IQGAP1: variants seen among roughly 807,000 people sequenced by gnomAD.
The protein encoded by IQGAP1 is IQ motif containing GTPase activating protein 1.
Under a neutral mutation model 215.6 loss-of-function variants are expected in IQGAP1, and 66 were observed. The observed-to-expected ratio is 0.31, with a 90% CI of 0.25 to 0.38. IQGAP1 has a LOEUF of 0.38. Among genes scored for constraint, IQGAP1 ranks in the 10% least tolerant of loss-of-function variants. The probability of loss-of-function intolerance (pLI) is 1.00; values close to 1 mark genes in which losing one functional copy is unlikely to be tolerated. For synonymous variants in IQGAP1, 772 were observed against 728.7 expected, an observed-to-expected ratio of 1.06 and a Z score of -0.96; for missense variants, 1,712 against 1,997.1, an observed-to-expected ratio of 0.86 and a Z score of 2.72.
At chr15:90,487,709 G>A in intron 33 of IQGAP1, 127 bp downstream of exon 33, 1 of 654,744 alleles carries the variant, frequency 1.5e-6, no homozygotes, top group Admixed American at 2.9e-5. Flanking sequence ...AATGTAACTG[G>A]GGGACAGTGG....
At chr15:90,478,537 T>C (rs934716336) in intron 26 of IQGAP1, among the ~76,000 whole-genome samples, 3 of 152,330 alleles carry the variant, frequency 2.0e-5, no homozygotes, top group Non-Finnish European at 4.4e-5. Flanking sequence ...GAAAGTTTTA[T>C]GAAGTTTTAT....
At chr15:90,416,964 G>GTGA in intron 2 of IQGAP1, among the ~76,000 whole-genome samples, 1 of 152,242 alleles carries the variant, frequency 6.6e-6, no homozygotes, top group East Asian at 1.9e-4. Flanking sequence ...CTGATGGCCA[G>GTGA]TGATGACCAT....
At chr15:90,420,301 G>C (rs1021910635) in intron 2 of IQGAP1, among the ~76,000 whole-genome samples, 1 of 151,976 alleles carries the variant, frequency 6.6e-6, no homozygotes, top group South Asian at 2.1e-4. Flanking sequence ...TGTCTTTCTC[G>C]GTAAGTGCGA....
At chr15:90,431,464 A>G (rs553725140) in intron 4 of IQGAP1, among the ~76,000 whole-genome samples, 19 of 152,370 alleles carry the variant, frequency 1.2e-4, no homozygotes, top group South Asian at 4.1e-4. Context: ...GGCAATGACA[A>G]TAACCTCATT....
chr15:90,425,124 A>G (rs1207686045), intron 2 of IQGAP1, among the ~76,000 whole-genome samples: 1 of 152,116 alleles, frequency 6.6e-6, no homozygotes, highest in East Asian at 1.9e-4. Context: ...AGCCTGGTCA[A>G]TATGACGAAG....
chr15:90,422,773 G>A (rs1965165222), intron 2 of IQGAP1, among the ~76,000 whole-genome samples: 1 of 151,112 alleles, frequency 6.6e-6, no homozygotes, highest in Non-Finnish European at 1.5e-5. Context: ...ATAACTCACT[G>A]CAGCCTTGAC....
At chr15:90,497,790 G>C (rs1442127446) in intron 37 of IQGAP1, among the ~76,000 whole-genome samples, 1 of 152,096 alleles carries the variant, frequency 6.6e-6, no homozygotes, top group Non-Finnish European at 1.5e-5. Flanking sequence ...AAAAGAACTC[G>C]GGAGTAATTC....
chr15:90,392,748 C>CTTTTTTTTTTTTTTTTTT (rs10701656), intron 2 of IQGAP1, among the ~76,000 whole-genome samples: 12 of 117,808 alleles, frequency 1.0e-4, no homozygotes, highest in South Asian at 2.8e-4. Context: ...ATGTTTCTAT[C>CTTTTTTTTTTTTTTTTTT]TTTTTTTTTT....
rs143796914 is a variant in IQGAP1, at chr15:90,466,047, G to A, written c.1823G>A (p.Gly608Asp). ...GTGTTATGGTTGGATGAAATTCAAG[G>A]TGGAATCTGGCAGTCCAACAAAGAC... ...SAVLWLDEIQ[G>D]GIWQSNKDTQ... Residue 608 changes from glycine (G) to aspartate (D), a missense_variant, in exon 16 of 38, where the codon GGT (glycine) becomes GAT (aspartate). Around this residue, in one of 2 missense-constraint regions of IQGAP1, gnomAD observed 1,021 missense variants for 1,074.2 expected, o/e 0.95. Transcript: ENST00000268182. The A allele has an allele frequency of 1.9e-5, 31 of 1,614,104 alleles. 1 individual carries two copies. The African/African-American group carries it at 3.7e-4, about 19-fold the overall frequency.
At chr15:90,462,731 C>G (rs1001769149) in intron 15 of IQGAP1, among the ~76,000 whole-genome samples, 30 of 152,114 alleles carry the variant, frequency 2.0e-4, no homozygotes, top group Non-Finnish European at 2.9e-4. Flanking sequence ...GGCTTCTTCA[C>G]CTCTTCTACC....
chr15:90,482,766 T>C, intron 28 of IQGAP1: 1 of 982,974 alleles, frequency 1.0e-6, no homozygotes, highest in South Asian at 4.4e-5. Context: ...TAATTTTATT[T>C]CTTCTGAATG....
Position 90,486,974 on chromosome 15 carries a change from A to C in IQGAP1, c.4045A>C (p.Asn1349His). The change falls in exon 32 of 38, where the codon AAT (asparagine) becomes CAT (histidine). Residue 1349 changes from asparagine (N) to histidine (H), a missense_variant. By Grantham distance (68) the Asn-to-His change is moderately conservative. This residue lies in a region of IQGAP1 where 691 missense variants were observed against 923.0 expected (regional missense o/e 0.75). Coordinates refer to ENST00000268182, the MANE Select transcript of IQGAP1 (RefSeq NM_003870.4). ...TTCAGGGGAAAGCTCTGGCAATTTA[A>C]ATGACCCAAATAAGGAGGCACTGGC... Reference protein sequence around the residue: ...SLIGESSGNLNDPNKEALAKT... With the variant: ...SLIGESSGNLHDPNKEALAKT... 4 of 1,614,120 alleles carry C rather than the reference A, an allele frequency of 2.5e-6. No homozygotes were observed. The highest frequency in any genetic ancestry group is 3.4e-6 in the Non-Finnish European group (4 of 1,180,012).
chr15:90,489,444 A>G (rs1440400651), intron 33 of IQGAP1, among the ~76,000 whole-genome samples: 1 of 152,108 alleles, frequency 6.6e-6, no homozygotes, highest in Non-Finnish European at 1.5e-5. Flanking sequence ...CTCTGTTCTC[A>G]TTTGTCAAGT....
intron 1 of IQGAP1, among the ~76,000 whole-genome samples, chr15:90,390,245 C>T (rs1289972206): frequency 8.5e-5 from 13 of 152,188 alleles, no homozygotes; most frequent in Admixed American, 5.2e-4. Context: ...GACAGACTCT[C>T]CAGGTTTGGA....
intron 15 of IQGAP1, among the ~76,000 whole-genome samples, chr15:90,459,998 C>G (rs189465161): frequency 2.0e-5 from 3 of 151,834 alleles, no homozygotes; most frequent in African/African-American, 7.3e-5. Context: ...AGTGAGGCCA[C>G]GTGGTCCGGA....
chr15:90,412,384 C>T lies in IQGAP1; in HGVS notation c.156-13726C>T, dbSNP rs1169089633. ...TTAGTGTCTCCTCACTTCTCTCTAG[C>T]CCTTTCTCCTACAACTGCTCAGAAT... On this transcript the variant is annotated intron_variant, in intron 2 of 37. Transcript: ENST00000268182. Among the ~76,000 whole-genome samples, 3 of 152,176 alleles carry T rather than the reference C, an allele frequency of 2.0e-5. No individual in the cohort carries two copies. The East Asian group carries it at 5.8e-4, about 29-fold the overall frequency.
chr15:90,441,492 G>GTTT lies in IQGAP1; in HGVS notation c.650-5_650-3dup. The GTTT allele has an allele frequency of 3.4e-6, 4 of 1,192,728 alleles. No homozygotes were observed. The highest frequency in any genetic ancestry group is 1.6e-5 in the African/African-American group (1 of 63,130). The allele number at this position is 1,192,728 out of a possible 1,614,324, so 73.9% of individuals were successfully genotyped here. On this transcript the variant is annotated splice_polypyrimidine_tract_variant and intron_variant, in intron 7 of 37. Coordinates refer to ENST00000268182, the MANE Select transcript of IQGAP1 (RefSeq NM_003870.4). The stretch of plus-strand genomic sequence containing the variant: ...AGTGTTTTTGTTGGTTTGTTTTTTT[G>GTTT]TTTTTTTTTTTAGTACATGCTGCTG...
At chr15:90,432,390 C>T (rs1346278997) in intron 4 of IQGAP1, among the ~76,000 whole-genome samples, 3 of 152,132 alleles carry the variant, frequency 2.0e-5, no homozygotes, top group South Asian at 2.1e-4. Flanking sequence ...ACCTCCCCAG[C>T]TCCCATCTCC....
chr15:90,465,146 T>A (rs1355120372), intron 15 of IQGAP1, among the ~76,000 whole-genome samples: 1 of 152,210 alleles, frequency 6.6e-6, no homozygotes. Flanking sequence ...AGCAACTGAT[T>A]TAACATTCAA....
Sources: allele counts gnomAD v4.1 joint callset (sites outside exome capture counted in the v4.1 genomes callset), GRCh38; gene constraint gnomAD v4.1.1; regional missense constraint gnomAD v4.1.1; transcripts MANE v1.5; gene names NCBI Gene and HGNC (gene_info 2026-07-23, HGNC 2026-07-21).